SMCHD1: variants seen among roughly 807,000 people sequenced by gnomAD.
SMCHD1 encodes the protein structural maintenance of chromosomes flexible hinge domain-containing protein 1.
In SMCHD1, 78 loss-of-function variants were observed where a neutral mutation model predicts 254.7. That is an observed-to-expected ratio of 0.31 (90% CI 0.26 to 0.37). SMCHD1 has a LOEUF of 0.37. Ranked by LOEUF, SMCHD1 falls within the 10% of genes least tolerant of loss-of-function variation. The probability of loss-of-function intolerance (pLI) is 1.00; values close to 1 mark genes in which losing one functional copy is unlikely to be tolerated. For missense variants in SMCHD1, 1,840 were observed against 2,408.1 expected (o/e 0.76, Z 4.94); for synonymous variants, 766 against 794.9 (o/e 0.96, Z 0.61).
chr18:2,788,932 A>G (rs2076278374), intron 45 of SMCHD1, among the ~76,000 whole-genome samples: 1 of 152,178 alleles, frequency 6.6e-6, no homozygotes, highest in African/African-American at 2.4e-5. Flanking sequence ...TTGATCTTCT[A>G]GGAAACATGC....
At chr18:2,669,819 C>T (rs1022519140) in intron 3 of SMCHD1, among the ~76,000 whole-genome samples, 5 of 152,186 alleles carry the variant, frequency 3.3e-5, no homozygotes, top group African/African-American at 4.8e-5. Context: ...CACATAGTTC[C>T]CCCTATCTGA....
intron 1 of SMCHD1, among the ~76,000 whole-genome samples, chr18:2,665,222 A>G (rs2073403324): frequency 6.6e-6 from 1 of 151,824 alleles, no homozygotes; most frequent in Non-Finnish European, 1.5e-5. Flanking sequence ...TCATGTGTTC[A>G]TTGGTCATTT....
Position 2,762,190 on chromosome 18 carries a change from C to T in SMCHD1, c.4520C>T (p.Ser1507Leu), listed in dbSNP as rs528136845. The T allele has an allele frequency of 2.5e-6, 4 of 1,611,828 alleles. No individual in the cohort carries two copies. The highest frequency in any genetic ancestry group is 2.2e-5 in the South Asian group (2 of 90,978). Residue 1507 changes from serine (S) to leucine (L), a missense_variant, in exon 36 of 48, where the codon TCA becomes TTA. Coordinates refer to ENST00000320876, the MANE Select transcript of SMCHD1 (RefSeq NM_015295.3). ...ACACCAGCTGTTTCAAATGTTCGCT[C>T]AGTTGCCAGTAGGACCTTGGTCAGA... is the stretch of plus-strand genomic sequence containing the variant. ...PPTPAVSNVR[S>L]VASRTLVRDL...
At chr18:2,711,115 T>G (rs2074656776) in intron 17 of SMCHD1, among the ~76,000 whole-genome samples, 1 of 152,114 alleles carries the variant, frequency 6.6e-6, no homozygotes, top group African/African-American at 2.4e-5. Flanking sequence ...TAGCTAGGAC[T>G]ACAGACATGC....
At position 2,700,619 on chromosome 18, in the gene SMCHD1, T is replaced by C. The variant is rs2074380938; in HGVS notation, c.1423T>C (p.Phe475Leu). Residue 475 changes from phenylalanine (F) to leucine (L), a missense_variant, in exon 11 of 48, where the codon TTT becomes CTT. By Grantham distance (22) the Phe-to-Leu change is conservative. Coordinates refer to ENST00000320876, the MANE Select transcript of SMCHD1 (RefSeq NM_015295.3). ...AGGGAAAAGGCCTATTTTTGAATGT[T>C]TTTGGAATGGACGATTAATACCATA... ...ARGKRPIFEC[F>L]WNGRLIPYTS... 1 of 1,611,708 alleles carries C rather than the reference T, an allele frequency of 6.2e-7. No homozygotes were observed. Among genetic ancestry groups the C allele is most frequent in the Non-Finnish European group, 8.5e-7 (1 of 1,178,694 alleles).
intron 5 of SMCHD1, among the ~76,000 whole-genome samples, chr18:2,681,320 G>A (rs925372658): frequency 1.3e-5 from 2 of 150,936 alleles, no homozygotes; most frequent in Non-Finnish European, 2.9e-5. Flanking sequence ...GGCTGAGACA[G>A]GAGAGTCACT....
chr18:2,696,517 TC>T (rs2074288922), intron 8 of SMCHD1, among the ~76,000 whole-genome samples: 1 of 152,162 alleles, frequency 6.6e-6, no homozygotes, highest in Non-Finnish European at 1.5e-5. Context: ...CCCCTTCAAC[TC>T]CCATCTCTGG....
chr18:2,781,055 T>C (rs2076150134), intron 44 of SMCHD1, among the ~76,000 whole-genome samples: 1 of 152,204 alleles, frequency 6.6e-6, no homozygotes, highest in African/African-American at 2.4e-5. Context: ...CTAATTGAAC[T>C]TAAGCATTGA....
At chr18:2,790,899 C>G (rs1334670005) in intron 45 of SMCHD1, among the ~76,000 whole-genome samples, 1 of 152,080 alleles carries the variant, frequency 6.6e-6, no homozygotes, top group Non-Finnish European at 1.5e-5. Flanking sequence ...AAAATGTGTA[C>G]ATCTGTCATA....
At chr18:2,680,628 T>C (rs2073903189) in intron 5 of SMCHD1, among the ~76,000 whole-genome samples, 1 of 152,188 alleles carries the variant, frequency 6.6e-6, no homozygotes, top group Non-Finnish European at 1.5e-5. Context: ...TCTCAATTCT[T>C]TCTTGAACAT....
chr18:2,763,550 C>G, intron 36 of SMCHD1, 87 bp from the exon 37 acceptor site: 1 of 1,057,456 alleles, frequency 9.5e-7, no homozygotes, highest in South Asian at 2.0e-5. Context: ...TGGGGGCTCT[C>G]TGTATTATTT....
In SMCHD1 at chr18:2,750,483, T is replaced by A; in HGVS notation, c.4141T>A (p.Phe1381Ile). 6.2e-7 allele frequency: 1 copy of A among 1,605,912 alleles called. No individual in the cohort carries two copies. Among genetic ancestry groups the A allele is most frequent in the Non-Finnish European group, 8.5e-7 (1 of 1,175,582 alleles). ...LNVKYDKDASFLAGGLFTDFM... is the reference protein window; with the variant it reads ...LNVKYDKDASILAGGLFTDFM... The stretch of plus-strand genomic sequence containing the variant: ...TGTTAAATATGACAAAGATGCATCC[T>A]TCTTAGCAGGGGGTCTTTTCACTGG... Residue 1381 changes from phenylalanine to isoleucine, a missense_variant, in exon 32 of 48, where the codon TTC (phenylalanine) becomes ATC (isoleucine). Phe to Ile is a conservative substitution (Grantham distance 21). Around this residue, in one of 9 missense-constraint regions of SMCHD1, gnomAD observed 881 missense variants for 1,009.5 expected, o/e 0.87. Coordinates refer to ENST00000320876, the MANE Select transcript of SMCHD1 (RefSeq NM_015295.3).
chr18:2,716,509 C>T (rs1189311201), intron 17 of SMCHD1, among the ~76,000 whole-genome samples: 1 of 152,166 alleles, frequency 6.6e-6, no homozygotes, highest in African/African-American at 2.4e-5. Context: ...GGGTCCCAGT[C>T]CTGTACTCTG....
At chr18:2,704,104 A>G (rs908592698) in intron 13 of SMCHD1, among the ~76,000 whole-genome samples, 2 of 152,116 alleles carry the variant, frequency 1.3e-5, no homozygotes, top group African/African-American at 4.8e-5. Context: ...TTTAGATTCA[A>G]TTTTTAGTAG....
At chr18:2,762,608 T>G (rs1265590873) in intron 36 of SMCHD1, among the ~76,000 whole-genome samples, 3 of 151,118 alleles carry the variant, frequency 2.0e-5, no homozygotes, top group Admixed American at 6.6e-5. Flanking sequence ...GCCTCCTGAG[T>G]AGCTGGGACC....
At chr18:2,670,457 A>C (rs1004781395) in intron 3 of SMCHD1, among the ~76,000 whole-genome samples, 1 of 152,072 alleles carries the variant, frequency 6.6e-6, no homozygotes, top group African/African-American at 2.4e-5. Flanking sequence ...TATTGCACAA[A>C]CCATCTTCTA....
At position 2,795,982 on chromosome 18, in the gene SMCHD1, A is replaced by C. The variant is rs974970512; in HGVS notation, c.5753A>C (p.Lys1918Thr). The change falls in exon 46 of 48, where the codon AAA becomes ACA. Residue 1918 changes from lysine (K) to threonine (T), a missense_variant. Transcript: ENST00000320876. ...LLQQYRSAVCKLDSVNKDLNS... is the reference protein window; with the variant it reads ...LLQQYRSAVCTLDSVNKDLNS... The stretch of plus-strand genomic sequence containing the variant: ...CAGCAGTATCGTTCTGCTGTGTGCA[A>C]ACTAGACAGTGTGAATAAGGATCTT... 6.3e-7 allele frequency: 1 copy of C among 1,597,930 alleles called. No homozygotes were observed. Among genetic ancestry groups the C allele is most frequent in the African/African-American group, 1.3e-5 (1 of 74,756 alleles).
chr18:2,719,525 C>CTG (rs1250166605), intron 19 of SMCHD1, among the ~76,000 whole-genome samples: 1 of 152,090 alleles, frequency 6.6e-6, no homozygotes, highest in Non-Finnish European at 1.5e-5. Flanking sequence ...TCTCGAACTT[C>CTG]TGACCTCATG....
Position 2,747,485 on chromosome 18 carries a change from ATTTTAGTGTTTCTTAAAATATTTCTATTC to A in SMCHD1, c.3802-32_3802-4del. 1 of 1,554,988 alleles carries A rather than the reference ATTTTAGTGTTTCTTAAAATATTTCTATTC, an allele frequency of 6.4e-7. No homozygotes were observed. Among genetic ancestry groups the A allele is most frequent in the Non-Finnish European group, 8.8e-7 (1 of 1,137,462 alleles). ...AGTAATTGCATTGTTTGGCCCATAT[ATTTTAGTGTTTCTTAAAATATTTCTATTC>A]TTTTCAGTCCATTCCAGTGATTAAT... On this transcript the variant is annotated splice_region_variant and splice_polypyrimidine_tract_variant and intron_variant, in intron 29 of 47. Coordinates refer to ENST00000320876, the MANE Select transcript of SMCHD1 (RefSeq NM_015295.3).
Sources: allele counts gnomAD v4.1 joint callset (sites outside exome capture counted in the v4.1 genomes callset), GRCh38; gene constraint gnomAD v4.1.1; regional missense constraint gnomAD v4.1.1; transcripts MANE v1.5; gene names NCBI Gene and HGNC (gene_info 2026-07-23, HGNC 2026-07-21).